SRFBP1: variants seen among roughly 807,000 people sequenced by gnomAD.
SRFBP1 encodes the protein serum response factor binding protein 1.
In SRFBP1, 47 loss-of-function variants were observed where a neutral mutation model predicts 45.5. That is an observed-to-expected ratio of 1.03 (90% confidence interval 0.82 to 1.32). SRFBP1 has a LOEUF of 1.32. Ranked by LOEUF, SRFBP1 falls within the 40% of genes most tolerant of loss-of-function variation. The pLI is 0.00. For missense variants in SRFBP1, 621 were observed against 484.6 expected (o/e 1.28, Z -2.64); for synonymous variants, 203 against 166.3 (o/e 1.22, Z -1.70).
At chr5:122,055,440 G>A (rs1206285751) in intron 2 of SRFBP1, among the ~76,000 whole-genome samples, 2 of 152,156 alleles carry the variant, frequency 1.3e-5, no homozygotes, top group Non-Finnish European at 2.9e-5. Flanking sequence ...ACCTAACAAA[G>A]ATTGTGGGGG....
chr5:122,026,848 CTTTT>C, intron 7 of SRFBP1, 90 bp from the exon 8 acceptor site: 1 of 886,156 alleles, frequency 1.1e-6, no homozygotes, highest in Non-Finnish European at 1.6e-6. Context: ...AACAAAATTT[CTTTT>C]TTTAACATTG....
chr5:122,072,860 G>C (rs938067553), intron 2 of SRFBP1, among the ~76,000 whole-genome samples: 14 of 152,160 alleles, frequency 9.2e-5, no homozygotes, highest in African/African-American at 3.1e-4. Context: ...GAGCTGTCCA[G>C]AGTGCCTCTT....
intron 3 of SRFBP1, among the ~76,000 whole-genome samples, chr5:121,976,164 A>G (rs1339232812): frequency 6.6e-6 from 1 of 152,074 alleles, no homozygotes; most frequent in Non-Finnish European, 1.5e-5. Flanking sequence ...GTTATCAAAG[A>G]TTCTCAGCCT....
intron 2 of SRFBP1, among the ~76,000 whole-genome samples, chr5:122,072,971 T>G (rs1754493625): frequency 6.6e-6 from 1 of 152,212 alleles, no homozygotes; most frequent in South Asian, 2.1e-4. Context: ...TGTGGGTAAG[T>G]TACATCTCCT....
exon 3 of SRFBP1, chr5:122,075,432 A>ATCTT: frequency 6.2e-7 from 1 of 1,613,730 alleles, no homozygotes; most frequent in Non-Finnish European, 8.5e-7. Flanking sequence ...TCCCAGGAAT[A>ATCTT]TCTTGGTCGG....
At chr5:122,077,478 C>T (rs1561421151), downstream of SRFBP1, 2 of 1,613,856 alleles carry the variant, frequency 1.2e-6, no homozygotes, top group African/African-American at 1.3e-5. The surrounding 1 kb of genome is among the most constrained non-coding windows in gnomAD (Gnocchi z 4.9). Context: ...TTGTAAGGGT[C>T]GTCGCCCACC....
At chr5:121,992,704 C>G (rs1054715519) in intron 3 of SRFBP1, among the ~76,000 whole-genome samples, 10 of 152,084 alleles carry the variant, frequency 6.6e-5, no homozygotes, top group African/African-American at 2.4e-4. Context: ...ACTACTAGAA[C>G]TACAAATGGT....
chr5:122,001,511 G>A (rs1158853447), intron 4 of SRFBP1, among the ~76,000 whole-genome samples: 1 of 149,128 alleles, frequency 6.7e-6, no homozygotes, highest in Non-Finnish European at 1.5e-5. Context: ...GGGGATTGGG[G>A]CTGGCAGTTA....
chr5:121,974,760 A>G (rs2112818487), intron 2 of SRFBP1, among the ~76,000 whole-genome samples: 1 of 152,004 alleles, frequency 6.6e-6, no homozygotes, highest in Middle Eastern at 3.4e-3. Flanking sequence ...AAAATACAAT[A>G]TTTTGTATTT....
chr5:122,077,976 C>T (rs1580568790), downstream of SRFBP1: 2 of 1,460,982 alleles, frequency 1.4e-6, no homozygotes, highest in Non-Finnish European at 9.0e-7. This position sits in a 1 kb window ranked among gnomAD's most constrained non-coding sequence, Gnocchi z 4.9. Context: ...ACGGTCCAGG[C>T]GAAGCGCATC....
intron 2 of SRFBP1, among the ~76,000 whole-genome samples, chr5:122,035,716 C>T (rs1753684281): frequency 6.6e-6 from 1 of 152,016 alleles, no homozygotes; most frequent in East Asian, 1.9e-4. Flanking sequence ...TTTTATGTAA[C>T]CAAATTTATC....
intron 2 of SRFBP1, among the ~76,000 whole-genome samples, chr5:122,060,549 G>A (rs946070607): frequency 2.6e-5 from 4 of 151,938 alleles, no homozygotes; most frequent in African/African-American, 9.7e-5. Context: ...TATCTACAAC[G>A]ACTGGGTCAA....
chr5:121,969,237 C>T (rs1007676992), intron 1 of SRFBP1, among the ~76,000 whole-genome samples: 2 of 152,118 alleles, frequency 1.3e-5, no homozygotes, highest in Non-Finnish European at 2.9e-5. Flanking sequence ...GTAATAAATG[C>T]TCACATTGTA....
intron 3 of SRFBP1, among the ~76,000 whole-genome samples, chr5:121,981,858 T>C (rs1752415051): frequency 6.6e-6 from 1 of 152,022 alleles, no homozygotes; most frequent in East Asian, 1.9e-4. Flanking sequence ...TCAGAACTTC[T>C]TAAGAAAATG....
At chr5:121,969,119 C>T (rs1752136637) in intron 1 of SRFBP1, among the ~76,000 whole-genome samples, 2 of 152,016 alleles carry the variant, frequency 1.3e-5, no homozygotes, top group Non-Finnish European at 2.9e-5. Flanking sequence ...TCATTGTCAC[C>T]CCAGAAATAG....
At chr5:121,985,369 G>A (rs1262938374) in intron 3 of SRFBP1, among the ~76,000 whole-genome samples, 2 of 151,372 alleles carry the variant, frequency 1.3e-5, no homozygotes, top group African/African-American at 4.8e-5. Context: ...AAGGAAGTAT[G>A]TGTAGAATCA....
Position 122,041,084 on chromosome 5 carries a change from T to C in SRFBP1, n.311+18677T>C, listed in dbSNP as rs533487121. Among the ~76,000 whole-genome samples the C allele has an allele frequency of 3.9e-5, 6 of 152,316 alleles. No individual in the cohort carries two copies. The East Asian group carries it at 1.2e-3, about 29-fold the overall frequency. ...TGCTTTTCGAAAATATGCATAAGTT[T>C]TTCAGTTTATCAATGACTCATATGG... On this transcript the variant is annotated intron_variant and non_coding_transcript_variant, in intron 2 of 2. Coordinates refer to the SRFBP1 transcript ENST00000504881.
chr5:122,026,687 A>G (rs1753487452), intron 7 of SRFBP1, among the ~76,000 whole-genome samples: 1 of 152,188 alleles, frequency 6.6e-6, no homozygotes, highest in African/African-American at 2.4e-5. Context: ...ATAAGACAGC[A>G]CAGCATAAAT....
At chr5:121,980,370 A>C (rs1752384396) in intron 3 of SRFBP1, among the ~76,000 whole-genome samples, 1 of 152,150 alleles carries the variant, frequency 6.6e-6, no homozygotes, top group African/African-American at 2.4e-5. Flanking sequence ...TTGTAAAGGT[A>C]TCTTTTCTGT....
Sources: gnomAD v4.1 joint callset for allele counts (sites outside exome capture counted in the v4.1 genomes callset) on GRCh38, gnomAD v4.1.1 for gene constraint, Gnocchi (gnomAD v3.1) non-coding constraint, MANE v1.5 for transcripts, NCBI Gene and HGNC (gene_info 2026-07-23, HGNC 2026-07-21) for gene names.